The following GPC6 variants were observed in gnomAD, a reference collection of about 807,000 sequenced individuals.
GPC6 encodes the protein glypican 6, also known as glypican-6.
In GPC6, 14 loss-of-function variants were observed where a neutral mutation model predicts 55.2. The observed-to-expected ratio is 0.25, with a 90% CI of 0.17 to 0.40. GPC6 has a LOEUF of 0.40. Among genes scored for constraint, GPC6 ranks in the 10% least tolerant of loss-of-function variants. The probability of loss-of-function intolerance (pLI) is 1.00; values close to 1 mark genes in which losing one functional copy is unlikely to be tolerated. For missense variants in GPC6, 641 were observed against 708.5 expected, an observed-to-expected ratio of 0.90 and a Z score of 1.08; for synonymous variants, 278 against 259.6, an observed-to-expected ratio of 1.07 and a Z score of -0.68.
At chr13:94,279,862 A>C (rs1892321493) in intron 4 of GPC6, among the ~76,000 whole-genome samples, 2 of 152,258 alleles carry the variant, frequency 1.3e-5, no homozygotes, top group Non-Finnish European at 2.9e-5. Context: ...TTTACTTCCA[A>C]TTATGTGATC....
At chr13:93,329,408 T>C (rs113743668) in intron 1 of GPC6, among the ~76,000 whole-genome samples, 259 of 152,336 alleles carry the variant, frequency 1.7e-3, no homozygotes, top group Non-Finnish European at 2.8e-3. Flanking sequence ...TTTTTTCCTT[T>C]ACAATTCAAT....
At chr13:93,591,858 T>C (rs997321441) in intron 2 of GPC6, among the ~76,000 whole-genome samples, 74 of 152,324 alleles carry the variant, frequency 4.9e-4, no homozygotes, top group African/African-American at 1.7e-3. Context: ...TTTTCAGAAC[T>C]TTTGAATTTT....
intron 1 of GPC6, among the ~76,000 whole-genome samples, chr13:93,425,435 G>A (rs972299994): frequency 7.5e-6 from 1 of 132,622 alleles, no homozygotes; most frequent in Non-Finnish European, 1.8e-5. Flanking sequence ...ACCTAAGGCA[G>A]ACCTCTGGGA....
upstream of GPC6, among the ~76,000 whole-genome samples, chr13:93,222,551 C>T (rs1387334338): frequency 6.6e-6 from 1 of 152,190 alleles, no homozygotes; most frequent in African/African-American, 2.4e-5. Context: ...TTCCAGTAAG[C>T]TTCCTTATCA....
intron 1 of GPC6, among the ~76,000 whole-genome samples, chr13:93,317,529 T>A (rs1879286055): frequency 6.6e-6 from 1 of 152,150 alleles, no homozygotes; most frequent in Admixed American, 6.6e-5. Flanking sequence ...CACAACCCAA[T>A]GTTTTAATGA....
At chr13:93,909,252 C>T (rs1876836194) in intron 3 of GPC6, among the ~76,000 whole-genome samples, 1 of 152,138 alleles carries the variant, frequency 6.6e-6, no homozygotes, top group South Asian at 2.1e-4. Context: ...TACAAAAACA[C>T]ACTCTATTCA....
intron 6 of GPC6, among the ~76,000 whole-genome samples, chr13:94,363,474 T>C (rs1879151342): frequency 6.6e-6 from 1 of 152,046 alleles, no homozygotes; most frequent in South Asian, 2.1e-4. Context: ...GAGAGTGAGG[T>C]CAGAGAAAAA....
chr13:93,916,020 C>T (rs1187511691), intron 3 of GPC6, among the ~76,000 whole-genome samples: 1 of 152,024 alleles, frequency 6.6e-6, no homozygotes. Context: ...GTGGACCTCT[C>T]CAGGAAGTGT....
chr13:93,946,760 C>G (rs191143053), intron 3 of GPC6, among the ~76,000 whole-genome samples: 2 of 152,308 alleles, frequency 1.3e-5, no homozygotes, highest in East Asian at 3.9e-4. Context: ...GGGCATCAGT[C>G]TAAGTGCTGG....
intron 1 of GPC6, among the ~76,000 whole-genome samples, chr13:93,538,131 G>A (rs1020951204): frequency 6.6e-6 from 1 of 151,962 alleles, no homozygotes; most frequent in Non-Finnish European, 1.5e-5. Flanking sequence ...AGCCCTTTCT[G>A]GGTTTATGTG....
At position 93,700,681 on chromosome 13, in the gene GPC6, T is replaced by G. The variant is rs114200196; in HGVS notation, c.320-129473T>G. On this transcript the variant is annotated intron_variant, in intron 2 of 8. Transcript: ENST00000377047. ...CCTTGTAGTCTGCATACTTTTACTT[T>G]TGTGTTATCAGTTCTTCATTAGGAA... Among the ~76,000 whole-genome samples, 658 of 152,224 alleles carry G rather than the reference T, an allele frequency of 4.3e-3. 3 individuals are homozygous for G. The highest frequency in any genetic ancestry group is 0.015 in the African/African-American group (604 of 41,572).
At chr13:94,032,651 A>C (rs1247905428) in intron 4 of GPC6, among the ~76,000 whole-genome samples, 1 of 152,164 alleles carries the variant, frequency 6.6e-6, no homozygotes, top group African/African-American at 2.4e-5. Flanking sequence ...CATCAGCAAA[A>C]AGTTGAGTTA....
chr13:93,928,503 C>G (rs1241940075), intron 3 of GPC6, among the ~76,000 whole-genome samples: 1 of 152,104 alleles, frequency 6.6e-6, no homozygotes, highest in African/African-American at 2.4e-5. Flanking sequence ...GTAGTACATT[C>G]ATGAGCTTAT....
At chr13:93,699,540 T>C (rs1882597394) in intron 2 of GPC6, among the ~76,000 whole-genome samples, 1 of 152,142 alleles carries the variant, frequency 6.6e-6, no homozygotes. Flanking sequence ...TCATGCCTGA[T>C]TTCCTTTTGC....
intron 1 of GPC6, among the ~76,000 whole-genome samples, chr13:93,490,090 T>A (rs913991600): frequency 8.2e-4 from 125 of 151,586 alleles, no homozygotes; most frequent in African/African-American, 2.9e-3. Context: ...TTCAGTATGA[T>A]ATTGGCTGTG....
chr13:93,989,214 T>C (rs1881177104), intron 3 of GPC6, among the ~76,000 whole-genome samples: 1 of 152,196 alleles, frequency 6.6e-6, no homozygotes, highest in African/African-American at 2.4e-5. Flanking sequence ...TGTCCTTCTA[T>C]GTAGTCCCTT....
intron 1 of GPC6, among the ~76,000 whole-genome samples, chr13:93,399,420 G>A (rs1278960063): frequency 6.6e-6 from 1 of 152,202 alleles, no homozygotes; most frequent in African/African-American, 2.4e-5. Flanking sequence ...CATATGGCAA[G>A]TACTTCATAA....
At chr13:93,329,524 T>C (rs927996971) in intron 1 of GPC6, among the ~76,000 whole-genome samples, 3 of 152,202 alleles carry the variant, frequency 2.0e-5, no homozygotes, top group Non-Finnish European at 4.4e-5. Flanking sequence ...TTTTGATAGC[T>C]AATAGGGATT....
At chr13:94,232,528 G>T (rs1482637721) in intron 4 of GPC6, among the ~76,000 whole-genome samples, 2 of 150,706 alleles carry the variant, frequency 1.3e-5, no homozygotes, top group African/African-American at 2.4e-5. Flanking sequence ...CAGGAGGTGG[G>T]TTTTTTTTGG....
Sources: gnomAD v4.1 joint callset for allele counts (sites outside exome capture counted in the v4.1 genomes callset) on GRCh38, gnomAD v4.1.1 for gene constraint, MANE v1.5 for transcripts, NCBI Gene and HGNC (gene_info 2026-07-23, HGNC 2026-07-21) for gene names.